The following TOR1AIP1 variants were observed in gnomAD, a reference collection of about 807,000 sequenced individuals.
The protein encoded by TOR1AIP1 is torsin 1A interacting protein 1, also known as torsin-1A-interacting protein 1.
A neutral mutation model predicts 63.3 loss-of-function variants in TOR1AIP1; 54 were observed. The observed-to-expected ratio is 0.85, with a 90% CI of 0.69 to 1.07. The LOEUF is 1.07. Ranked by LOEUF, TOR1AIP1 falls within the 50% of genes least tolerant of loss-of-function variation. The pLI, the probability that TOR1AIP1 is intolerant of heterozygous loss-of-function variation, is 0.00. For synonymous variants in TOR1AIP1, 294 were observed against 273.5 expected, an observed-to-expected ratio of 1.07 and a Z score of -0.74; for missense variants, 736 against 715.0, an observed-to-expected ratio of 1.03 and a Z score of -0.33.
chr1:179,896,032 T>G (rs961554042), intron 3 of TOR1AIP1, among the ~76,000 whole-genome samples: 1 of 152,286 alleles, frequency 6.6e-6, no homozygotes, highest in African/African-American at 2.4e-5. Flanking sequence ...AAATTAAAGC[T>G]TATGTAGTCA....
intron 3 of TOR1AIP1, among the ~76,000 whole-genome samples, chr1:179,893,607 A>G (rs1382446267): frequency 6.6e-6 from 1 of 151,888 alleles, no homozygotes; most frequent in African/African-American, 2.4e-5. Context: ...TGCCTGGCTA[A>G]TTTTTGTATT....
At chr1:179,904,369 A>C (rs938339976) in intron 6 of TOR1AIP1, among the ~76,000 whole-genome samples, 7 of 152,218 alleles carry the variant, frequency 4.6e-5, no homozygotes, top group Non-Finnish European at 8.8e-5. Flanking sequence ...TAAGGACATA[A>C]AATTTTATAT....
Position 179,882,630 on chromosome 1 carries a change from C to T in TOR1AIP1, c.128C>T (p.Pro43Leu). Reference protein sequence around the residue: ...APQNGGSSDAPAYRTPPSRQG... With the variant: ...APQNGGSSDALAYRTPPSRQG... ...CAAAATGGCGGCAGCAGCGATGCGCCTGCGTACAGAACTCCTCCGTCGCGC... is the reference window on the plus strand; with the variant it reads ...CAAAATGGCGGCAGCAGCGATGCGCTTGCGTACAGAACTCCTCCGTCGCGC... The change falls in exon 1 of 10, where the codon CCT (proline) becomes CTT (leucine). Residue 43 changes from proline to leucine, a missense_variant. By Grantham distance (98) the Pro-to-Leu change is moderately conservative (BLOSUM62 -3). Around this residue, in one of 2 missense-constraint regions of TOR1AIP1, gnomAD observed 464 missense variants for 371.0 expected, o/e 1.25. Coordinates refer to ENST00000606911, the MANE Select transcript of TOR1AIP1 (RefSeq NM_015602.4). 1 of 1,542,920 alleles carries T rather than the reference C, an allele frequency of 6.5e-7. No homozygotes were observed. Among genetic ancestry groups the T allele is most frequent in the Non-Finnish European group, 8.7e-7 (1 of 1,147,558 alleles).
Position 179,903,929 on chromosome 1 carries a change from G to GGATATTA in TOR1AIP1, c.740-36_740-30dup, listed in dbSNP as rs751045228. The GGATATTA allele has an allele frequency of 5.0e-5, 69 of 1,388,322 alleles. No individual in the cohort carries two copies. In the African/African-American group the frequency reaches 8.7e-4, roughly 17 times the overall value. 86.0% of individuals were successfully genotyped at this position (1,388,322 alleles called of 1,614,324 possible). On this transcript the variant is annotated intron_variant, in intron 5 of 9. Coordinates refer to ENST00000606911, the MANE Select transcript of TOR1AIP1 (RefSeq NM_015602.4). ...TTGTAAAATGTACAGTCTAAAAGTTGGATATTATTTATAGTGTACTGTTTT... is the reference window on the plus strand; with the variant it reads ...TTGTAAAATGTACAGTCTAAAAGTTGGATATTAGATATTATTTATAGTGTACTGTTTT...
chr1:179,892,450 G>A (rs1648114675), intron 3 of TOR1AIP1, among the ~76,000 whole-genome samples: 2 of 151,636 alleles, frequency 1.3e-5, no homozygotes, highest in South Asian at 4.2e-4. Context: ...TCCAGCCTGG[G>A]CAAAAAGAGT....
intron 2 of TOR1AIP1, among the ~76,000 whole-genome samples, chr1:179,886,294 G>A (rs894531772): frequency 2.0e-5 from 3 of 152,066 alleles, no homozygotes; most frequent in Non-Finnish European, 4.4e-5. Context: ...GCTAGCCTCC[G>A]GACCATTATA....
Position 179,882,405 on chromosome 1 carries a change from A to C in TOR1AIP1, c.-98A>C, listed in dbSNP as rs1571718360. ...AACTGCCTCCCTGACCACAGCGGCC[A>C]CCGCCCAACACCCCCGAGAAGCCAT... On this transcript the variant is annotated 5_prime_UTR_variant, in exon 1 of 10. Coordinates refer to ENST00000606911, the MANE Select transcript of TOR1AIP1 (RefSeq NM_015602.4). 2.4e-6 allele frequency: 3 copies of C among 1,250,938 alleles called. No homozygotes were observed. The highest frequency in any genetic ancestry group is 2.1e-6 in the Non-Finnish European group (2 of 959,364). The allele number at this position is 1,250,938 out of a possible 1,614,324, so 77.5% of individuals were successfully genotyped here.
intron 9 of TOR1AIP1, among the ~76,000 whole-genome samples, chr1:179,916,940 GC>G (rs1571740312): frequency 1.3e-5 from 2 of 151,782 alleles, no homozygotes; most frequent in African/African-American, 4.8e-5. Context: ...TCCCTCCTCG[GC>G]CTCCCAAAGT....
intron 6 of TOR1AIP1, 50 bp downstream of exon 6, chr1:179,904,072 T>C (rs1191030819): frequency 1.5e-6 from 2 of 1,372,360 alleles, no homozygotes; most frequent in Non-Finnish European, 2.0e-6. Context: ...GGTCAAATGA[T>C]GTTCCTATTT....
At chr1:179,912,022 CTT>C (rs1553244275) in intron 8 of TOR1AIP1, among the ~76,000 whole-genome samples, 1 of 66,342 alleles carries the variant, frequency 1.5e-5, no homozygotes, top group African/African-American at 5.8e-5. Context: ...TTTTTTTTTT[CTT>C]TTTTCTTTTT....
intron 8 of TOR1AIP1, among the ~76,000 whole-genome samples, chr1:179,913,259 C>T (rs566229897): frequency 7.5e-4 from 114 of 151,720 alleles, no homozygotes; most frequent in African/African-American, 2.7e-3. Flanking sequence ...CCACTGTGCC[C>T]GGCTTAATTT....
intron 7 of TOR1AIP1, 46 bp downstream of exon 7, chr1:179,907,910 T>TAA: frequency 4.0e-6 from 4 of 994,506 alleles, no homozygotes; most frequent in Non-Finnish European, 5.7e-6. Context: ...TCAATTCTTT[T>TAA]CTCTTTTTTT....
intron 9 of TOR1AIP1, among the ~76,000 whole-genome samples, chr1:179,915,149 CA>C (rs1259169030): frequency 2.0e-5 from 3 of 152,132 alleles, no homozygotes; most frequent in African/African-American, 7.2e-5. Flanking sequence ...AGCTTTTATA[CA>C]GATATGAAAA....
chr1:179,912,680 C>T (rs1486221173), intron 8 of TOR1AIP1, among the ~76,000 whole-genome samples: 1 of 152,148 alleles, frequency 6.6e-6, no homozygotes, highest in Non-Finnish European at 1.5e-5. Flanking sequence ...GATAACCTAA[C>T]TTAGAAGCTT....
intron 5 of TOR1AIP1, among the ~76,000 whole-genome samples, chr1:179,903,096 T>C (rs1648518455): frequency 1.3e-5 from 2 of 151,990 alleles, no homozygotes; most frequent in South Asian, 4.1e-4. Context: ...CTAATTTAGT[T>C]ATAAATTCTA....
Position 179,918,398 on chromosome 1 carries a change from T to C in TOR1AIP1, c.*159T>C, listed in dbSNP as rs1649091870. The C allele has an allele frequency of 3.0e-6, 2 of 677,394 alleles. No individual in the cohort carries two copies. The highest frequency in any genetic ancestry group is 4.8e-6 in the Non-Finnish European group (2 of 414,098). The allele number at this position is 677,394 out of a possible 1,614,324, so 42.0% of individuals were successfully genotyped here. ...GAACATATAAATCATTCATTCAACC[T>C]AATTATCTGTGATATGAGAGAATCA... On this transcript the variant is annotated 3_prime_UTR_variant, in exon 10 of 10. Transcript: ENST00000606911.
intron 8 of TOR1AIP1, among the ~76,000 whole-genome samples, 165 bp from the exon 9 acceptor site, chr1:179,913,833 C>T (rs1648910116): frequency 6.6e-6 from 1 of 152,204 alleles, no homozygotes. Flanking sequence ...TCAAGGAGCT[C>T]TCAGTCTAAT....
At chr1:179,898,156 G>A (rs1023748843) in intron 3 of TOR1AIP1, among the ~76,000 whole-genome samples, 1 of 152,018 alleles carries the variant, frequency 6.6e-6, no homozygotes, top group Non-Finnish European at 1.5e-5. Flanking sequence ...CAAGACTGAT[G>A]AGGTGGTAGG....
chr1:179,913,632 TATA>T (rs1648904103), intron 8 of TOR1AIP1: 1 of 702,324 alleles, frequency 1.4e-6, no homozygotes. Context: ...TTTCAGATGG[TATA>T]ATATGTTTCA....
Sources: gnomAD v4.1 joint callset for allele counts (sites outside exome capture counted in the v4.1 genomes callset) on GRCh38, gnomAD v4.1.1 for gene constraint, gnomAD v4.1.1 regional missense constraint, MANE v1.5 for transcripts, NCBI Gene and HGNC (gene_info 2026-07-23, HGNC 2026-07-21) for gene names.